INTS4: variants seen among roughly 807,000 people sequenced by gnomAD.
INTS4 encodes MSTP093.
In INTS4, 70 loss-of-function variants were observed where a neutral mutation model predicts 119.5. The observed-to-expected ratio is 0.59, with a 90% confidence interval of 0.48 to 0.71. The LOEUF is 0.71. Ranked by LOEUF, INTS4 falls within the 30% of genes least tolerant of loss-of-function variation. INTS4 has a pLI of 0.00. For missense variants in INTS4, 867 were observed against 1,173.2 expected, an observed-to-expected ratio of 0.74 and a Z score of 3.81; for synonymous variants, 316 against 419.6, an observed-to-expected ratio of 0.75 and a Z score of 3.02.
intron 22 of INTS4, among the ~76,000 whole-genome samples, chr11:77,883,370 C>T (rs2136358968): frequency 6.6e-6 from 1 of 152,176 alleles, no homozygotes; most frequent in Admixed American, 6.5e-5. Context: ...TTTATCCTCA[C>T]AATTCAGACA....
intron 15 of INTS4, among the ~76,000 whole-genome samples, chr11:77,911,596 A>G (rs1438427972): frequency 7.9e-5 from 12 of 152,362 alleles, no homozygotes; most frequent in Admixed American, 7.8e-4. Flanking sequence ...ACAATTAGCC[A>G]TAAGAAATCT....
intron 19 of INTS4, among the ~76,000 whole-genome samples, chr11:77,893,293 T>C (rs951496898): frequency 1.3e-5 from 2 of 152,208 alleles, no homozygotes; most frequent in South Asian, 4.1e-4. Context: ...TTGTAGATTA[T>C]AGAGAAATAT....
rs192177782 is a variant in INTS4, at chr11:77,971,311, T to G, written c.471+7685A>C. Among the ~76,000 whole-genome samples, 15 of 152,318 alleles carry G rather than the reference T, an allele frequency of 9.8e-5. No homozygotes were observed. The East Asian group carries it at 2.5e-3, about 25-fold the overall frequency. On this transcript the variant is annotated intron_variant, in intron 4 of 22. Coordinates refer to ENST00000534064, the MANE Select transcript of INTS4 (RefSeq NM_033547.4). ...CTGTCATGTTTTTAATTGGGTTGTT[T>G]GTATTTTTATTATTGGGTTGTAAGA...
chr11:77,891,043 C>G (rs540762064), intron 21 of INTS4, among the ~76,000 whole-genome samples: 3 of 152,062 alleles, frequency 2.0e-5, no homozygotes, highest in Non-Finnish European at 4.4e-5. Context: ...TTTAGTGAAC[C>G]CTTACTGGGT....
intron 21 of INTS4, among the ~76,000 whole-genome samples, chr11:77,887,756 C>T (rs960350781): frequency 6.6e-6 from 1 of 152,178 alleles, no homozygotes; most frequent in Non-Finnish European, 1.5e-5. Flanking sequence ...GCAAAAATCA[C>T]AAGCATTCTT....
chr11:77,928,295 G>A (rs766212773), intron 11 of INTS4, 47 bp downstream of exon 11: 10 of 1,594,934 alleles, frequency 6.3e-6, no homozygotes, highest in East Asian at 2.2e-5. Flanking sequence ...ATTTTAACAG[G>A]GGGGGGTGAG....
chr11:77,926,456 A>C (rs564518662), intron 11 of INTS4, among the ~76,000 whole-genome samples: 82 of 152,336 alleles, frequency 5.4e-4, no homozygotes, highest in African/African-American at 1.9e-3. Flanking sequence ...GCTACTCAGC[A>C]AACACTTACC....
intron 2 of INTS4, among the ~76,000 whole-genome samples, chr11:77,988,244 C>A (rs1488505478): frequency 6.6e-6 from 1 of 152,158 alleles, no homozygotes; most frequent in South Asian, 2.1e-4. Flanking sequence ...ACACATATGG[C>A]AAACAATTGC....
chr11:77,935,909 A>AGAAAAGAAAGAGAGAAACAC (rs1953779449), intron 10 of INTS4, among the ~76,000 whole-genome samples: 1 of 141,910 alleles, frequency 7.0e-6, no homozygotes, highest in Admixed American at 7.1e-5. Flanking sequence ...AAAAAAAAAA[A>AGAAAAGAAAGAGAGAAACAC]GAAAAGAAGA....
At chr11:77,922,228 CAAAAAA>C (rs59175717) in intron 13 of INTS4, 122 bp downstream of exon 13, 82 of 1,042,126 alleles carry the variant, frequency 7.9e-5, no homozygotes, top group Admixed American at 2.0e-4. Context: ...ACTCTGTCTT[CAAAAAA>C]AAAAAAAAAA....
chr11:77,906,888 A>G (rs767050595), intron 16 of INTS4, among the ~76,000 whole-genome samples: 5 of 152,252 alleles, frequency 3.3e-5, no homozygotes, highest in Admixed American at 6.5e-5. Context: ...GCCAAAATTT[A>G]TAGTAAAATT....
At chr11:77,930,419 A>G (rs3018167) in intron 10 of INTS4, among the ~76,000 whole-genome samples, 58,413 of 152,044 alleles carry the variant, frequency 0.38, 11,404 homozygotes, top group African/African-American at 0.42. Flanking sequence ...TGAAATTGCT[A>G]ATTATAAGGC....
chr11:77,954,525 T>C (rs867373572), intron 8 of INTS4, among the ~76,000 whole-genome samples: 26 of 152,162 alleles, frequency 1.7e-4, no homozygotes, highest in South Asian at 2.1e-4. Flanking sequence ...CTCCTTCAAA[T>C]TATCTAAGAT....
intron 8 of INTS4, among the ~76,000 whole-genome samples, chr11:77,946,482 C>A (rs1399827705): frequency 2.6e-5 from 4 of 152,166 alleles, no homozygotes; most frequent in African/African-American, 4.8e-5. Flanking sequence ...AGTCTCCTGG[C>A]TGGGGGCAGT....
chr11:77,908,279 G>A (rs1953009756), intron 15 of INTS4, among the ~76,000 whole-genome samples: 1 of 151,374 alleles, frequency 6.6e-6, no homozygotes, highest in African/African-American at 2.4e-5. Context: ...TGCAGAACGT[G>A]CAGGTTTGTT....
At chr11:77,984,413 G>A (rs1320493446) in intron 2 of INTS4, among the ~76,000 whole-genome samples, 1 of 151,714 alleles carries the variant, frequency 6.6e-6, no homozygotes, top group East Asian at 1.9e-4. Flanking sequence ...AGAATCACTT[G>A]AACACAGGAG....
chr11:77,941,754 C>T (rs1953934196), intron 8 of INTS4, among the ~76,000 whole-genome samples: 1 of 152,174 alleles, frequency 6.6e-6, no homozygotes, highest in Non-Finnish European at 1.5e-5. Flanking sequence ...GATCTGCCTA[C>T]CTCGGCCTCC....
intron 10 of INTS4, among the ~76,000 whole-genome samples, chr11:77,937,134 C>T (rs1396067896): frequency 6.6e-6 from 1 of 151,536 alleles, no homozygotes; most frequent in African/African-American, 2.4e-5. Context: ...AAGGTCACAC[C>T]ACTGCACTTC....
intron 4 of INTS4, among the ~76,000 whole-genome samples, chr11:77,961,864 T>C (rs1370412593): frequency 6.6e-6 from 1 of 152,252 alleles, no homozygotes; most frequent in Non-Finnish European, 1.5e-5. Flanking sequence ...AGCCTTTCCG[T>C]TGATGAATAT....
Sources: allele counts gnomAD v4.1 joint callset (sites outside exome capture counted in the v4.1 genomes callset), GRCh38; gene constraint gnomAD v4.1.1; transcripts MANE v1.5; gene names NCBI Gene and HGNC (gene_info 2026-07-23, HGNC 2026-07-21).